CCDC178: variants seen among roughly 807,000 people sequenced by gnomAD.
The protein encoded by CCDC178 is coiled-coil domain-containing protein 178.
Under a neutral mutation model 117.4 loss-of-function variants are expected in CCDC178, and 126 were observed. That is an observed-to-expected ratio of 1.07 (90% confidence interval 0.93 to 1.24). CCDC178 has a LOEUF of 1.24. CCDC178 is among the 50% of genes most tolerant of loss of function. CCDC178 has a pLI of 0.00. For missense variants in CCDC178, 1,030 were observed against 986.9 expected (o/e 1.04, Z -0.59); for synonymous variants, 283 against 313.4 (o/e 0.90, Z 1.02).
At chr18:33,210,709 C>T (rs926753448) in intron 20 of CCDC178, among the ~76,000 whole-genome samples, 6 of 151,994 alleles carry the variant, frequency 3.9e-5, no homozygotes, top group Non-Finnish European at 8.8e-5. Flanking sequence ...CCAATCCATT[C>T]GTAGCTCACA....
At chr18:33,109,070 G>A (rs271440) in intron 20 of CCDC178, among the ~76,000 whole-genome samples, 14,396 of 151,562 alleles carry the variant, frequency 0.095, 881 homozygotes, top group African/African-American at 0.17. Flanking sequence ...GGTCCAGCCT[G>A]CCCCCTTTCC....
At chr18:32,978,644 T>C (rs1175006721) in intron 21 of CCDC178, among the ~76,000 whole-genome samples, 1 of 152,134 alleles carries the variant, frequency 6.6e-6, no homozygotes, top group African/African-American at 2.4e-5. Flanking sequence ...TCGGGCAAAA[T>C]AAAGTAAGGA....
At chr18:33,316,383 G>A (rs947695332) in intron 11 of CCDC178, among the ~76,000 whole-genome samples, 2 of 152,172 alleles carry the variant, frequency 1.3e-5, no homozygotes, top group South Asian at 4.1e-4. Flanking sequence ...TGCTGCGCTC[G>A]ATTTCTCCCC....
intron 21 of CCDC178, among the ~76,000 whole-genome samples, chr18:33,073,861 G>C (rs992414169): frequency 6.6e-6 from 1 of 152,138 alleles, no homozygotes; most frequent in African/African-American, 2.4e-5. Context: ...GTGGCTAAGG[G>C]ACAACTTTAG....
chr18:32,968,028 A>C (rs2054851605), intron 22 of CCDC178, among the ~76,000 whole-genome samples: 1 of 151,596 alleles, frequency 6.6e-6, no homozygotes. Flanking sequence ...TCTTTTAGCT[A>C]TTTTGAAATG....
At position 33,245,616 on chromosome 18, in the gene CCDC178, C is replaced by T. The variant is rs114278653; in HGVS notation, c.1410-188G>A. Among the ~76,000 whole-genome samples, 737 of 151,864 alleles carry T rather than the reference C, an allele frequency of 4.9e-3. 5 individuals are homozygous for T. Among genetic ancestry groups the T allele is most frequent in the African/African-American group, 0.017 (706 of 41,480 alleles). Reference sequence around the variant, plus strand: ...TTTATTCTGCTGCTTCTGATGGTTACCCCTAATTGTCAGGCTGTTTCCAAT... The same window carrying T: ...TTTATTCTGCTGCTTCTGATGGTTATCCCTAATTGTCAGGCTGTTTCCAAT... On this transcript the variant is annotated intron_variant, in intron 14 of 22. Transcript: ENST00000383096.
chr18:32,994,465 A>C (rs2055461133), intron 21 of CCDC178, among the ~76,000 whole-genome samples: 1 of 152,200 alleles, frequency 6.6e-6, no homozygotes, highest in South Asian at 2.1e-4. Flanking sequence ...CTGGGCAAAC[A>C]GTGTACAAAT....
intron 19 of CCDC178, among the ~76,000 whole-genome samples, chr18:33,213,710 T>A (rs570834842): frequency 6.6e-6 from 1 of 152,172 alleles, no homozygotes; most frequent in African/African-American, 2.4e-5. Flanking sequence ...CTCACAGTGA[T>A]AAAACAAGTG....
At chr18:32,939,146 T>A (rs1397311036) in intron 22 of CCDC178, among the ~76,000 whole-genome samples, 2 of 152,118 alleles carry the variant, frequency 1.3e-5, no homozygotes, top group African/African-American at 2.4e-5. Flanking sequence ...TTTGTAGAGA[T>A]ATAAGGCTAT....
chr18:33,327,350 A>C (rs764128275), intron 10 of CCDC178, among the ~76,000 whole-genome samples: 1 of 152,184 alleles, frequency 6.6e-6, no homozygotes, highest in Non-Finnish European at 1.5e-5. Context: ...TCAGTAAACA[A>C]ACATTGGGCT....
chr18:33,088,354 A>T (rs1010944916), intron 21 of CCDC178, among the ~76,000 whole-genome samples: 2 of 151,448 alleles, frequency 1.3e-5, no homozygotes, highest in African/African-American at 4.9e-5. Context: ...GATTGTATTG[A>T]CTCTATATAT....
chr18:33,083,409 G>A (rs1271282441), intron 21 of CCDC178, among the ~76,000 whole-genome samples: 1 of 152,184 alleles, frequency 6.6e-6, no homozygotes, highest in African/African-American at 2.4e-5. Flanking sequence ...TCTTCATAGG[G>A]AGCATTTCAA....
chr18:32,996,419 G>A (rs1180003401), intron 21 of CCDC178, among the ~76,000 whole-genome samples: 1 of 151,834 alleles, frequency 6.6e-6, no homozygotes, highest in Admixed American at 6.6e-5. Flanking sequence ...GGAATAGTAT[G>A]CAAGAACTTA....
At chr18:33,326,515 T>A (rs140226169) in intron 10 of CCDC178, among the ~76,000 whole-genome samples, 4 of 152,268 alleles carry the variant, frequency 2.6e-5, no homozygotes, top group Non-Finnish European at 5.9e-5. Flanking sequence ...AGGGGCTGAG[T>A]GTCCTTGGAA....
At chr18:33,279,799 T>A (rs966734986) in intron 12 of CCDC178, among the ~76,000 whole-genome samples, 3 of 151,990 alleles carry the variant, frequency 2.0e-5, no homozygotes, top group South Asian at 2.1e-4. Flanking sequence ...ATAACGCCGC[T>A]TATCTACAAC....
chr18:33,277,045 G>C (rs980773283), intron 12 of CCDC178, among the ~76,000 whole-genome samples: 1 of 151,934 alleles, frequency 6.6e-6, no homozygotes, highest in Non-Finnish European at 1.5e-5. Flanking sequence ...ATTAAGAGTG[G>C]GGCATAGCAA....
intron 6 of CCDC178, among the ~76,000 whole-genome samples, chr18:33,364,432 G>A (rs145398886): frequency 6.8e-4 from 104 of 152,112 alleles, no homozygotes; most frequent in Middle Eastern, 3.4e-3. Context: ...TAAGTGGAAT[G>A]GAGAAAGAAA....
intron 11 of CCDC178, among the ~76,000 whole-genome samples, chr18:33,303,678 T>TTA (rs1555680882): frequency 3.2e-4 from 47 of 148,598 alleles, no homozygotes; most frequent in African/African-American, 1.1e-3. Context: ...GTCTAGTTTT[T>TTA]AAAAAAAAAA....
At position 33,144,551 on chromosome 18, in the gene CCDC178, T is replaced by C. The variant is rs908207195; in HGVS notation, c.2239-51641A>G. On this transcript the variant is annotated intron_variant, in intron 20 of 22. Transcript: ENST00000383096. ...TCTTTTTTCAAGCCTATTGTCATTA[T>C]GTCCGGAGAGGAAGAGAATGAAGTG... is the stretch of plus-strand genomic sequence containing the variant. Among the ~76,000 whole-genome samples, 11 of 152,152 alleles carry C rather than the reference T, an allele frequency of 7.2e-5. No homozygotes were observed. In the East Asian group the frequency reaches 1.9e-3, roughly 27 times the overall value.
Sources: gnomAD v4.1 joint callset for allele counts (sites outside exome capture counted in the v4.1 genomes callset) on GRCh38, gnomAD v4.1.1 for gene constraint, MANE v1.5 for transcripts, NCBI Gene and HGNC (gene_info 2026-07-23, HGNC 2026-07-21) for gene names.